Variants in RTP2 observed in about 807,000 individuals in gnomAD.
RTP2 encodes the protein receptor-transporting protein 2.
In RTP2, 12 loss-of-function variants were observed where a neutral mutation model predicts 17.9. That is an observed-to-expected ratio of 0.67 (90% CI 0.43 to 1.09). The LOEUF (loss-of-function observed/expected upper bound fraction) is 1.09, where lower values mean the gene tolerates loss of function less well. Among genes scored for constraint, RTP2 ranks in the 50% least tolerant of loss-of-function variants. The probability of loss-of-function intolerance (pLI) is 0.00; values close to 1 mark genes in which losing one functional copy is unlikely to be tolerated. For synonymous variants in RTP2, 126 were observed against 117.7 expected (o/e 1.07, Z -0.46); for missense variants, 327 against 295.7 (o/e 1.11, Z -0.78).
chr3:187,712,055 C>G, the RTP2 span, among the ~76,000 whole-genome samples: 4 of 151,868 alleles, frequency 2.6e-5, no homozygotes, highest in Non-Finnish European at 5.9e-5. Context: ...TGCTGTATAT[C>G]TTGGTTGTGG....
upstream of RTP2, among the ~76,000 whole-genome samples, chr3:187,704,595 G>C (rs1579785591): frequency 1.3e-5 from 2 of 152,220 alleles, no homozygotes; most frequent in East Asian, 3.8e-4. Flanking sequence ...AAATGAGCTA[G>C]TGGTTTATAA....
the RTP2 span, among the ~76,000 whole-genome samples, chr3:187,709,938 G>A: frequency 6.6e-6 from 1 of 152,168 alleles, no homozygotes; most frequent in Admixed American, 6.5e-5. Flanking sequence ...AATTTTATAT[G>A]TCAACTTCGC....
At chr3:187,714,362 A>G in the RTP2 span, among the ~76,000 whole-genome samples, 3 of 152,204 alleles carry the variant, frequency 2.0e-5, no homozygotes, top group Non-Finnish European at 4.4e-5. Context: ...GGAACTTTAC[A>G]CACATTCAAG....
upstream of RTP2, among the ~76,000 whole-genome samples, chr3:187,706,250 T>C (rs1717988539): frequency 6.6e-6 from 1 of 152,198 alleles, no homozygotes; most frequent in South Asian, 2.1e-4. Flanking sequence ...ACAAATATGT[T>C]AAACGAAGAT....
At chr3:187,704,762 C>A (rs1308323672), upstream of RTP2, among the ~76,000 whole-genome samples, 3 of 152,232 alleles carry the variant, frequency 2.0e-5, no homozygotes, top group East Asian at 5.8e-4. Flanking sequence ...CCTCTCCATC[C>A]CCAGGATGTA....
upstream of RTP2, among the ~76,000 whole-genome samples, chr3:187,704,507 C>T (rs1196672574): frequency 6.6e-6 from 1 of 152,142 alleles, no homozygotes; most frequent in East Asian, 1.9e-4. Context: ...CTATTGCCAG[C>T]CATTGTTACT....
At chr3:187,701,911 C>T in intron 1 of RTP2, 54 bp downstream of exon 1, 1 of 1,494,138 alleles carries the variant, frequency 6.7e-7, no homozygotes, top group Admixed American at 2.1e-5. Context: ...GAAAGTACCC[C>T]ACAGCTGTGA....
chr3:187,713,143 T>C, the RTP2 span, among the ~76,000 whole-genome samples: 1 of 152,148 alleles, frequency 6.6e-6, no homozygotes, highest in Non-Finnish European at 1.5e-5. Context: ...GAGATTGAGA[T>C]GTACCCAGCC....
chr3:187,709,171 G>A, the RTP2 span, among the ~76,000 whole-genome samples: 2 of 152,040 alleles, frequency 1.3e-5, no homozygotes, highest in Admixed American at 6.6e-5. Flanking sequence ...ATTAAAGAAT[G>A]TATTTGATTT....
chr3:187,698,577 C>A (rs764227164), exon 2 of RTP2: 1 of 1,614,224 alleles, frequency 6.2e-7, no homozygotes, highest in Admixed American at 1.7e-5. Context: ...GAGGCACCAG[C>A]GAAGAGACAA....
At chr3:187,698,926 C>T (rs1266572090) in exon 2 of RTP2, 4 of 1,610,022 alleles carry the variant, frequency 2.5e-6, no homozygotes, top group Non-Finnish European at 3.4e-6. Flanking sequence ...ACCGAGCCCG[C>T]CCGCTGGGCG....
chr3:187,700,176 C>A (rs1296324169), intron 1 of RTP2, among the ~76,000 whole-genome samples: 4 of 152,226 alleles, frequency 2.6e-5, no homozygotes, highest in Non-Finnish European at 5.9e-5. Context: ...CCACTCAACC[C>A]AGGCTATGGG....
the RTP2 span, among the ~76,000 whole-genome samples, chr3:187,714,655 C>G: frequency 2.6e-5 from 4 of 152,206 alleles, no homozygotes; most frequent in African/African-American, 9.6e-5. Flanking sequence ...AGTAGGAACC[C>G]TTAATCATGC....
At position 187,698,407 on chromosome 3, in the gene RTP2, T is replaced by C. The variant is rs1296119383; in HGVS notation, c.*91A>G. ...CCAGAGAGGTGACCGGATTGTCCAGTCATATGTTGAATCTGTAGCAGGATC... is the reference window on the plus strand; with the variant it reads ...CCAGAGAGGTGACCGGATTGTCCAGCCATATGTTGAATCTGTAGCAGGATC... On this transcript the variant is annotated 3_prime_UTR_variant, in exon 2 of 2. Transcript: ENST00000358241. 1.4e-5 allele frequency: 16 copies of C among 1,172,224 alleles called. No individual in the cohort carries two copies. In the African/African-American group the frequency reaches 2.4e-4, roughly 18 times the overall value. 72.6% of individuals were successfully genotyped at this position (1,172,224 alleles called of 1,614,324 possible). A position where few individuals can be genotyped will look rare whatever the true frequency, so the allele number is the denominator to read the frequency against.
the RTP2 span, among the ~76,000 whole-genome samples, chr3:187,708,067 T>A: frequency 2.6e-5 from 4 of 152,248 alleles, no homozygotes; most frequent in Non-Finnish European, 4.4e-5. Flanking sequence ...AAATTTTTAA[T>A]GAGTTTTTAT....
chr3:187,713,619 TC>T, the RTP2 span, among the ~76,000 whole-genome samples: 10 of 152,080 alleles, frequency 6.6e-5, no homozygotes, highest in African/African-American at 2.2e-4. Flanking sequence ...TCACAACCAA[TC>T]TGATTGGACA....
chr3:187,714,059 G>A, the RTP2 span, among the ~76,000 whole-genome samples: 2 of 152,202 alleles, frequency 1.3e-5, no homozygotes, highest in South Asian at 2.1e-4. Flanking sequence ...CTAGCCAGGT[G>A]TTCTTAGGCT....
upstream of RTP2, among the ~76,000 whole-genome samples, chr3:187,706,723 C>T (rs968178818): frequency 5.9e-5 from 9 of 152,212 alleles, no homozygotes; most frequent in African/African-American, 2.2e-4. Flanking sequence ...CTGCCTCAGC[C>T]TCCTGAGTAG....
rs374850897 is a variant in RTP2 at position 187,701,945 on chromosome 3, C to G, written c.164+20G>C. ...GACCCAGGGGCTGTCTGCAAGGTCC[C>G]TCCCCACTGAACCTCTCACCTGCCT... is the stretch of plus-strand genomic sequence containing the variant. On this transcript the variant is annotated intron_variant, in intron 1 of 1. Transcript: ENST00000358241. 6 of 1,561,318 alleles carry G rather than the reference C, an allele frequency of 3.8e-6. No homozygotes were observed. Among genetic ancestry groups the G allele is most frequent in the Admixed American group, 3.6e-5 (2 of 55,842 alleles).
Sources: gnomAD v4.1 joint callset for allele counts (sites outside exome capture counted in the v4.1 genomes callset) on GRCh38, gnomAD v4.1.1 for gene constraint, MANE v1.5 for transcripts, NCBI Gene and HGNC (gene_info 2026-07-23, HGNC 2026-07-21) for gene names.